Variants in ANKRD11 observed in about 807,000 individuals in gnomAD.
The protein encoded by ANKRD11 is ankyrin repeat domain 11.
ANKRD11 carries 17 observed loss-of-function variants against 195.7 expected under a neutral mutation model. The ratio of observed to expected loss-of-function variants is 0.09; its 90% CI spans 0.06 to 0.13. The LOEUF (loss-of-function observed/expected upper bound fraction) is 0.13. Among genes scored for constraint, ANKRD11 ranks in the 10% least tolerant of loss-of-function variants. ANKRD11 has a pLI of 1.00. For synonymous variants in ANKRD11, 1,953 were observed against 1,528.1 expected (o/e 1.28, Z -6.49); for missense variants, 3,735 against 3,566.1 (o/e 1.05, Z -1.21).
intron 2 of ANKRD11, among the ~76,000 whole-genome samples, chr16:89,374,063 G>C (rs1347242407): frequency 4.6e-5 from 7 of 152,226 alleles, no homozygotes; most frequent in Non-Finnish European, 1.0e-4. Flanking sequence ...GCAAGTGTGA[G>C]GCCCGCAGAG....
intron 1 of ANKRD11, among the ~76,000 whole-genome samples, chr16:89,469,734 T>C (rs1240701341): frequency 2.0e-5 from 3 of 149,490 alleles, no homozygotes; most frequent in Non-Finnish European, 4.5e-5. Context: ...CCGTCTCTAC[T>C]AAAAATGCAA....
rs138414134 is a variant in ANKRD11, at chr16:89,370,255, G to A, written c.-60+48029C>T. ...GCCCATGTCCAGGGGTGGCCAGCCT[G>A]CACTTTAGTGTGGGCCTGTGCCCAA... On this transcript the variant is annotated intron_variant, in intron 2 of 12. Coordinates refer to ENST00000301030, the MANE Select transcript of ANKRD11 (RefSeq NM_013275.6). 1.9e-4 allele frequency among the ~76,000 whole-genome samples: 29 copies of A among 152,354 alleles called. No individual in the cohort carries two copies. The East Asian group carries it at 4.8e-3, about 25-fold the overall frequency.
At chr16:89,429,958 G>A (rs2042904964) in intron 1 of ANKRD11, among the ~76,000 whole-genome samples, 1 of 104,568 alleles carries the variant, frequency 9.6e-6, no homozygotes, top group African/African-American at 4.2e-5. Context: ...AGACGTTCTA[G>A]TACACAGCAG....
At chr16:89,305,006 TG>T in intron 4 of ANKRD11, 199 bp downstream of exon 4, 1 of 764,576 alleles carries the variant, frequency 1.3e-6, no homozygotes, top group Non-Finnish European at 2.0e-6. Flanking sequence ...ATCGGCCCCA[TG>T]GGCCTGAGCC....
intron 1 of ANKRD11, among the ~76,000 whole-genome samples, chr16:89,441,162 A>G (rs1026570293): frequency 6.6e-6 from 1 of 151,544 alleles, no homozygotes; most frequent in African/African-American, 2.4e-5. Context: ...CGTGAACCTG[A>G]GAGGCAGAGA....
chr16:89,310,012 G>A (rs148187486), intron 3 of ANKRD11, among the ~76,000 whole-genome samples: 1 of 152,148 alleles, frequency 6.6e-6, no homozygotes, highest in Non-Finnish European at 1.5e-5. Context: ...TCCACTCATG[G>A]GAAGCACACA....
chr16:89,419,218 G>T (rs961360153), intron 1 of ANKRD11, among the ~76,000 whole-genome samples: 1 of 151,934 alleles, frequency 6.6e-6, no homozygotes, highest in African/African-American at 2.4e-5. Context: ...TTGGGAGGCC[G>T]AGGTGGGCGG....
chr16:89,436,574 G>A (rs563070960), intron 1 of ANKRD11, among the ~76,000 whole-genome samples: 5 of 152,280 alleles, frequency 3.3e-5, no homozygotes, highest in African/African-American at 7.2e-5. Context: ...CGGCTGTTCC[G>A]CAAGAGCAGG....
chr16:89,348,568 C>T (rs2039052097), intron 2 of ANKRD11, among the ~76,000 whole-genome samples: 1 of 152,268 alleles, frequency 6.6e-6, no homozygotes, highest in African/African-American at 2.4e-5. Flanking sequence ...AGTCAGTCAT[C>T]CGGGACTGAA....
intron 2 of ANKRD11, among the ~76,000 whole-genome samples, chr16:89,371,219 C>G (rs1316758274): frequency 6.6e-6 from 1 of 152,224 alleles, no homozygotes; most frequent in African/African-American, 2.4e-5. Context: ...CCTCCCAACA[C>G]TTTCGCAAAT....
At chr16:89,428,277 G>C (rs1311660625) in intron 1 of ANKRD11, among the ~76,000 whole-genome samples, 1 of 152,120 alleles carries the variant, frequency 6.6e-6, no homozygotes, top group Non-Finnish European at 1.5e-5. Flanking sequence ...TATAATCCCA[G>C]CACTTTGGGA....
intron 2 of ANKRD11, among the ~76,000 whole-genome samples, chr16:89,320,815 G>C (rs1015480328): frequency 2.0e-5 from 3 of 152,266 alleles, no homozygotes; most frequent in African/African-American, 7.2e-5. Flanking sequence ...GCTGGGAACA[G>C]CCGTCCTTGC....
At chr16:89,273,006 G>A (rs576394931) in intron 11 of ANKRD11, 2 of 150,710 alleles carry the variant, frequency 1.3e-5, no homozygotes, top group African/African-American at 2.5e-5. Context: ...GAAGGGTTGT[G>A]GGGGGCTGGC....
At position 89,280,236 on chromosome 16, in the gene ANKRD11, G is replaced by A. The variant is rs770909420; in HGVS notation, c.6306C>T (p.Phe2102=). 21 of 1,608,380 alleles carry A rather than the reference G, an allele frequency of 1.3e-5. No individual in the cohort carries two copies. Among genetic ancestry groups the A allele is most frequent in the African/African-American group, 4.0e-5 (3 of 74,926 alleles). ...VEALGPLENS[F]LDGSRGLSHL... is the part of the protein sequence containing the mutation. ...GAGACAGGCCGCGGCTGCCGTCCAG[G>A]AAGCTATTTTCCAGGGGCCCCAGAG... The change falls in exon 9 of 13, where the codon TTC becomes TTT. Residue 2102 remains phenylalanine, a synonymous_variant. Transcript: ENST00000301030.
Position 89,490,465 on chromosome 16 carries a change from C to T in ANKRD11, c.-365G>A. The T allele has an allele frequency of 5.1e-6, 2 of 393,344 alleles. No individual in the cohort carries two copies. Among genetic ancestry groups the T allele is most frequent in the Non-Finnish European group, 4.5e-6 (1 of 221,150 alleles). The allele number at this position is 393,344 out of a possible 1,614,324, so 24.4% of individuals were successfully genotyped here. A position where few individuals can be genotyped will look rare whatever the true frequency, so the allele number is the denominator to read the frequency against. On this transcript the variant is annotated 5_prime_UTR_variant, in exon 1 of 13. Coordinates refer to ENST00000301030, the MANE Select transcript of ANKRD11 (RefSeq NM_013275.6). ...CGGGCGAGAGCCGCGGCTCCCGGTG[C>T]GGACGCTACTGATGGGGCGTCTGGC... is the stretch of plus-strand genomic sequence containing the variant.
At chr16:89,278,509 C>T (rs2033854399) in intron 9 of ANKRD11, 1 of 456,112 alleles carries the variant, frequency 2.2e-6, no homozygotes, top group Non-Finnish European at 4.4e-6. Flanking sequence ...AGGGATGATG[C>T]CTGGGGAACT....
rs550741525 is a variant in ANKRD11, at chr16:89,393,313, T to A, written c.-60+24971A>T. On this transcript the variant is annotated intron_variant, in intron 2 of 12. Coordinates refer to ENST00000301030, the MANE Select transcript of ANKRD11 (RefSeq NM_013275.6). ...CTCTTTTTTTTACTTTTTTTATTTT[T>A]ATTTTTTTTTTTTTTGAGACGGAGG... 4.5e-3 allele frequency among the ~76,000 whole-genome samples: 667 copies of A among 149,594 alleles called. 10 individuals are homozygous for A. The highest frequency in any genetic ancestry group is 0.042 in the East Asian group (215 of 5,132).
rs2057793828 is a variant in ANKRD11, at chr16:89,490,514, C to T, written c.-414G>A. ...GCCGCGGGCTCGGCGGCGGCGCCTC[C>T]CCGGCTGGGGCCCTCGGTCCATCGC... On this transcript the variant is annotated 5_prime_UTR_variant, in exon 1 of 13. Coordinates refer to ENST00000301030, the MANE Select transcript of ANKRD11 (RefSeq NM_013275.6). 4 of 471,486 alleles carry T rather than the reference C, an allele frequency of 8.5e-6. No homozygotes were observed. The highest frequency in any genetic ancestry group is 1.5e-5 in the Non-Finnish European group (4 of 262,428). 29.2% of individuals were successfully genotyped at this position (471,486 alleles called of 1,614,324 possible). A position where few individuals can be genotyped will look rare whatever the true frequency, so the allele number is the denominator to read the frequency against.
intron 2 of ANKRD11, among the ~76,000 whole-genome samples, chr16:89,338,001 T>C (rs1445937725): frequency 6.6e-6 from 1 of 152,170 alleles, no homozygotes; most frequent in Non-Finnish European, 1.5e-5. Flanking sequence ...CACAGTGACC[T>C]GCCTCCCACA....
Sources: allele counts gnomAD v4.1 joint callset (sites outside exome capture counted in the v4.1 genomes callset), GRCh38; gene constraint gnomAD v4.1.1; transcripts MANE v1.5; gene names NCBI Gene and HGNC (gene_info 2026-07-23, HGNC 2026-07-21).